Variants in P4HTM observed in about 807,000 individuals in gnomAD.
P4HTM encodes the protein transmembrane prolyl 4-hydroxylase.
A neutral mutation model predicts 55.3 loss-of-function variants in P4HTM; 33 were observed. The observed-to-expected ratio is 0.60, with a 90% CI of 0.45 to 0.80. The LOEUF is 0.80. P4HTM is among the 30% of genes least tolerant of loss of function. The pLI is 0.00. For missense variants in P4HTM, 542 were observed against 696.5 expected (o/e 0.78, Z 2.50); for synonymous variants, 272 against 286.4 (o/e 0.95, Z 0.51).
At position 49,002,917 on chromosome 3, in the gene P4HTM, G is replaced by A. The variant is rs917206364; in HGVS notation, c.724+321G>A. 7.1e-6 allele frequency: 3 copies of A among 420,542 alleles called. No homozygotes were observed. In the Admixed American group the frequency reaches 1.0e-4, roughly 15 times the overall value. The allele number at this position is 420,542 out of a possible 1,614,324, so 26.1% of individuals were successfully genotyped here. On this transcript the variant is annotated intron_variant, in intron 4 of 8. Coordinates refer to ENST00000383729, the MANE Select transcript of P4HTM (RefSeq NM_177939.3). The surrounding 1 kb of genome is among the most constrained non-coding windows in gnomAD (Gnocchi z 4.4). Reference sequence around the variant, plus strand: ...GCAGAGAACAGAGTGGGTGGAGCAGGAGCAAGGCGACAGTGAGGCCAGCTA... The same window carrying A: ...GCAGAGAACAGAGTGGGTGGAGCAGAAGCAAGGCGACAGTGAGGCCAGCTA...
Position 48,990,656 on chromosome 3 carries a change from A to T in P4HTM, c.354+46A>T, listed in dbSNP as rs200893933. On this transcript the variant is annotated intron_variant, in intron 1 of 8. Coordinates refer to ENST00000383729, the MANE Select transcript of P4HTM (RefSeq NM_177939.3). This position sits in a 1 kb window ranked among gnomAD's most constrained non-coding sequence, Gnocchi z 7.2. ...CCGCGCTCCAGGCCCTGCACGGCTG[A>T]GCCCGAGAGGACCGGCGCTCAGCCC... 1.2e-4 allele frequency: 179 copies of T among 1,495,628 alleles called. No homozygotes were observed. Among genetic ancestry groups the T allele is most frequent in the Non-Finnish European group, 1.5e-4 (171 of 1,121,618 alleles). The allele number at this position is 1,495,628 out of a possible 1,614,324, so 92.6% of individuals were successfully genotyped here.
chr3:49,001,420 C>A lies in P4HTM; in HGVS notation c.437-18C>A. On this transcript the variant is annotated intron_variant, in intron 2 of 8. Coordinates refer to ENST00000383729, the MANE Select transcript of P4HTM (RefSeq NM_177939.3). ...CCCTGGCTCAGTCCTTGGCCTCACC[C>A]ACCTCCTCTTCTGGCAGAAATCCCC... 1 of 1,613,350 alleles carries A rather than the reference C, an allele frequency of 6.2e-7. No homozygotes were observed. The highest frequency in any genetic ancestry group is 1.1e-5 in the South Asian group (1 of 91,068).
intron 6 of P4HTM, chr3:49,005,421 T>C (rs2092974668): frequency 1.4e-6 from 2 of 1,396,694 alleles, no homozygotes; most frequent in South Asian, 1.7e-5. Context: ...AGCCAGTTCT[T>C]TCCTCTTCAG....
intron 2 of P4HTM, among the ~76,000 whole-genome samples, chr3:48,996,868 C>T (rs1405807228): frequency 1.3e-5 from 2 of 152,154 alleles, no homozygotes; most frequent in African/African-American, 2.4e-5. Flanking sequence ...CTTGGGGTTC[C>T]GAGGCATGTG....
At position 48,990,665 on chromosome 3, in the gene P4HTM, G is replaced by C; in HGVS notation, c.354+55G>C. 1 of 1,483,642 alleles carries C rather than the reference G, an allele frequency of 6.7e-7. No homozygotes were observed. The highest frequency in any genetic ancestry group is 2.5e-5 in the East Asian group (1 of 40,030). 91.9% of individuals were successfully genotyped at this position (1,483,642 alleles called of 1,614,324 possible). A position where few individuals can be genotyped will look rare whatever the true frequency, so the allele number is the denominator to read the frequency against. ...AGGCCCTGCACGGCTGAGCCCGAGAGGACCGGCGCTCAGCCCGGGTCCCCA... is the reference window on the plus strand; with the variant it reads ...AGGCCCTGCACGGCTGAGCCCGAGACGACCGGCGCTCAGCCCGGGTCCCCA... On this transcript the variant is annotated intron_variant, in intron 1 of 8. Transcript: ENST00000383729. This position sits in a 1 kb window ranked among gnomAD's most constrained non-coding sequence, Gnocchi z 7.2.
upstream of P4HTM, chr3:48,990,214 C>T (rs1046133399): frequency 4.4e-6 from 5 of 1,144,680 alleles, no homozygotes; most frequent in African/African-American, 6.5e-5. The surrounding 1 kb of genome is among the most constrained non-coding windows in gnomAD (Gnocchi z 7.2). Context: ...AGCGCGGGCA[C>T]CCCCGCGGCC....
chr3:49,005,753 C>T (rs1226945461), intron 6 of P4HTM, 24 bp from the exon 7 acceptor site: 3 of 1,585,558 alleles, frequency 1.9e-6, no homozygotes, highest in Non-Finnish European at 2.6e-6. Context: ...TGGGGACCTG[C>T]TCAGTGCCCC....
intron 2 of P4HTM, among the ~76,000 whole-genome samples, chr3:49,000,426 G>A (rs1183834199): frequency 2.0e-5 from 3 of 152,178 alleles, no homozygotes; most frequent in African/African-American, 4.8e-5. Context: ...CCCTGGTGCT[G>A]AGTGACCATT....
intron 3 of P4HTM, among the ~76,000 whole-genome samples, chr3:49,001,977 T>C (rs1037020900): frequency 3.9e-5 from 6 of 152,206 alleles, no homozygotes; most frequent in Non-Finnish European, 8.8e-5. Flanking sequence ...AGCCTGCCTC[T>C]CTCTCTGCAT....
chr3:48,992,343 T>G (rs1403207852), intron 2 of P4HTM: 5 of 151,990 alleles, frequency 3.3e-5, no homozygotes, highest in African/African-American at 1.2e-4. Context: ...TGGTGGCTCA[T>G]GTCTATAATC....
chr3:49,000,993 T>C (rs903630140), intron 2 of P4HTM: 1 of 264,432 alleles, frequency 3.8e-6, no homozygotes, highest in Non-Finnish European at 7.5e-6. Flanking sequence ...ACATTGGATG[T>C]CTTGTGCTGT....
At chr3:49,003,836 G>A (rs764152227) in intron 4 of P4HTM, 5 of 436,758 alleles carry the variant, frequency 1.1e-5, no homozygotes, top group Middle Eastern at 6.3e-4. Context: ...ACTCTAATAG[G>A]GGGTGGGCCT....
rs1184982656 is a variant in P4HTM at position 49,002,016 on chromosome 3, G to A, written c.627+388G>A. ...TCTCACACACTCTACAGCCAGGCTG[G>A]AGGGCCAAGCTTCTGAGAGAAGTCT... is the stretch of plus-strand genomic sequence containing the variant. On this transcript the variant is annotated intron_variant, in intron 3 of 8. Coordinates refer to ENST00000383729, the MANE Select transcript of P4HTM (RefSeq NM_177939.3). This position sits in a 1 kb window ranked among gnomAD's most constrained non-coding sequence, Gnocchi z 4.4. Among the ~76,000 whole-genome samples, 3 of 152,236 alleles carry A rather than the reference G, an allele frequency of 2.0e-5. No individual in the cohort carries two copies. In the East Asian group the frequency reaches 5.8e-4, roughly 29 times the overall value.
chr3:49,006,919 G>A lies in P4HTM; in HGVS notation c.*12G>A, dbSNP rs753370532. Reference sequence around the variant, plus strand: ...GCGTGGAACTCTGAGGGAAGAGTTAGCCCCGGTTCCCAGCCGCGGGTCGCC... The same window carrying A: ...GCGTGGAACTCTGAGGGAAGAGTTAACCCCGGTTCCCAGCCGCGGGTCGCC... On this transcript the variant is annotated 3_prime_UTR_variant, in exon 9 of 9. Coordinates refer to ENST00000383729, the MANE Select transcript of P4HTM (RefSeq NM_177939.3). 26 of 1,602,086 alleles carry A rather than the reference G, an allele frequency of 1.6e-5. No homozygotes were observed. The highest frequency in any genetic ancestry group is 7.7e-6 in the Non-Finnish European group (9 of 1,172,878).
intron 2 of P4HTM, among the ~76,000 whole-genome samples, chr3:48,998,775 T>C (rs1304685048): frequency 6.6e-6 from 1 of 152,174 alleles, no homozygotes; most frequent in Non-Finnish European, 1.5e-5. Context: ...TGAGTTCTGC[T>C]GACATGGCCA....
intron 6 of P4HTM, chr3:49,005,287 A>C (rs1314108312): frequency 6.9e-7 from 1 of 1,446,884 alleles, no homozygotes; most frequent in Non-Finnish European, 9.1e-7. Context: ...CAGACACCAA[A>C]ACTTGCCCCC....
chr3:49,005,187 C>T (rs2092973215), intron 6 of P4HTM, 141 bp downstream of exon 6: 1 of 1,587,082 alleles, frequency 6.3e-7, no homozygotes, highest in Non-Finnish European at 8.6e-7. Context: ...GATGCCCTCA[C>T]CTCTCCCCAC....
At chr3:49,001,690 G>A in intron 3 of P4HTM, 62 bp downstream of exon 3, 2 of 1,436,114 alleles carry the variant, frequency 1.4e-6, no homozygotes, top group Non-Finnish European at 1.9e-6. Context: ...CTTTCTGGTG[G>A]CCAGGTCACT....
At position 49,005,849 on chromosome 3, in the gene P4HTM, C is replaced by G. The variant is rs745466470; in HGVS notation, c.1146C>G (p.Asn382Lys). 6.4e-7 allele frequency: 1 copy of G among 1,554,616 alleles called. No homozygotes were observed. Among genetic ancestry groups the G allele is most frequent in the South Asian group, 1.2e-5 (1 of 80,856 alleles). ...AGACTGTTTTCCCTGTAGCAGATAA[C>G]AGAACCTACGATGAAATGGTAAGGG... ...GGETVFPVADNRTYDEMSLIQ... is the reference protein window; with the variant it reads ...GGETVFPVADKRTYDEMSLIQ... The change falls in exon 7 of 9, where the codon AAC becomes AAG. Residue 382 changes from asparagine to lysine, a missense_variant. Asn to Lys is a moderately conservative substitution (Grantham distance 94). This residue lies in a region of P4HTM where 536 missense variants were observed against 672.1 expected (regional missense o/e 0.80). Coordinates refer to ENST00000383729, the MANE Select transcript of P4HTM (RefSeq NM_177939.3).
Sources: gnomAD v4.1 joint callset for allele counts (sites outside exome capture counted in the v4.1 genomes callset) on GRCh38, gnomAD v4.1.1 for gene constraint, gnomAD v4.1.1 regional missense constraint, Gnocchi (gnomAD v3.1) non-coding constraint, MANE v1.5 for transcripts, NCBI Gene and HGNC (gene_info 2026-07-23, HGNC 2026-07-21) for gene names.